PTPRD: variants seen among roughly 807,000 people sequenced by gnomAD.
The protein encoded by PTPRD is protein tyrosine phosphatase receptor type D.
In PTPRD, 34 loss-of-function variants were observed where a neutral mutation model predicts 214.5. That is an observed-to-expected ratio of 0.16 (90% CI 0.12 to 0.21). The LOEUF (loss-of-function observed/expected upper bound fraction) is 0.21. PTPRD is among the 10% of genes least tolerant of loss of function. The pLI is 1.00. For missense variants in PTPRD, 2,545 were observed against 2,398.7 expected, an observed-to-expected ratio of 1.06 and a Z score of -1.27; for synonymous variants, 1,128 against 845.7, an observed-to-expected ratio of 1.33 and a Z score of -5.79.
chr9:10,174,513 A>G (rs1298801648), intron 3 of PTPRD, among the ~76,000 whole-genome samples: 4 of 152,110 alleles, frequency 2.6e-5, no homozygotes, highest in Non-Finnish European at 4.4e-5. Context: ...AAATTTATAA[A>G]TCACCCAGCT....
At chr9:10,041,580 G>A (rs975807251) in intron 3 of PTPRD, among the ~76,000 whole-genome samples, 6 of 151,474 alleles carry the variant, frequency 4.0e-5, no homozygotes, top group African/African-American at 7.3e-5. Context: ...CAATTACCTT[G>A]TTATATTAGA....
At chr9:8,525,324 G>T (rs2139228663) in intron 17 of PTPRD, 1 of 472,892 alleles carries the variant, frequency 2.1e-6, no homozygotes, top group East Asian at 4.2e-5. Context: ...CTAATAAAAT[G>T]AAGATGGGTG....
chr9:10,202,671 G>GATATAAAAATTATATGGATATATATAT (rs1554843045), intron 3 of PTPRD, among the ~76,000 whole-genome samples: 2 of 113,128 alleles, frequency 1.8e-5, no homozygotes, highest in African/African-American at 3.6e-5. Flanking sequence ...AAATTATATG[G>GATATAAAAATTATATGGATATATATAT]ATATATATAT....
At chr9:9,685,074 A>T (rs1045671491) in intron 7 of PTPRD, among the ~76,000 whole-genome samples, 1 of 151,636 alleles carries the variant, frequency 6.6e-6, no homozygotes, top group South Asian at 2.1e-4. Context: ...TTACAGGTGA[A>T]TTTTTGAAGA....
rs113462806 is a variant in PTPRD, at chr9:9,367,903, C to T, written c.-203+29546G>A. 2.9e-3 allele frequency among the ~76,000 whole-genome samples: 439 copies of T among 151,714 alleles called. 5 individuals are homozygous for T. Among genetic ancestry groups the T allele is most frequent in the African/African-American group, 0.01 (418 of 41,430 alleles). ...GGTCTATTTTCTGTCTCTTCCAAAC[C>T]CTGTCATAAGGGAGAGCTACTAGCA... On this transcript the variant is annotated intron_variant, in intron 9 of 45. Coordinates refer to ENST00000381196, the MANE Select transcript of PTPRD (RefSeq NM_002839.4).
At chr9:8,474,659 A>AT (rs1443861850) in intron 30 of PTPRD, among the ~76,000 whole-genome samples, 6 of 152,024 alleles carry the variant, frequency 3.9e-5, no homozygotes, top group African/African-American at 1.4e-4. Context: ...CCACAGTAAC[A>AT]TTTTCACTTT....
chr9:9,205,388 G>A (rs988002932), intron 9 of PTPRD, among the ~76,000 whole-genome samples: 6 of 152,094 alleles, frequency 3.9e-5, no homozygotes, highest in Non-Finnish European at 7.4e-5. Flanking sequence ...TTGATGAGCA[G>A]GGAGCATGAT....
At chr9:8,421,950 C>T (rs1338526273) in intron 35 of PTPRD, among the ~76,000 whole-genome samples, 1 of 151,258 alleles carries the variant, frequency 6.6e-6, no homozygotes, top group Non-Finnish European at 1.5e-5. Context: ...TAGTTCGAGA[C>T]CAACCTGTGC....
intron 12 of PTPRD, among the ~76,000 whole-genome samples, chr9:8,652,140 G>C (rs186411378): frequency 2.2e-4 from 34 of 152,218 alleles, no homozygotes; most frequent in Admixed American, 2.0e-3. Flanking sequence ...AGAAAACAAA[G>C]GATTTTCCCA....
intron 5 of PTPRD, among the ~76,000 whole-genome samples, chr9:9,778,290 C>T (rs777458268): frequency 1.5e-4 from 23 of 152,182 alleles, no homozygotes; most frequent in Non-Finnish European, 2.5e-4. Flanking sequence ...AGGGATAACT[C>T]ACTCTCTCTG....
chr9:8,522,201 G>A (rs924371141), intron 19 of PTPRD, among the ~76,000 whole-genome samples: 1 of 152,192 alleles, frequency 6.6e-6, no homozygotes, highest in African/African-American at 2.4e-5. Context: ...TAGAGATACT[G>A]GATTGGGTCA....
At chr9:10,090,624 C>G (rs1172575587) in intron 3 of PTPRD, among the ~76,000 whole-genome samples, 1 of 110,662 alleles carries the variant, frequency 9.0e-6, no homozygotes, top group Non-Finnish European at 1.8e-5. Flanking sequence ...TTAAAGTATA[C>G]ATAAATAAAA....
At chr9:10,553,056 C>A (rs1238961086) in intron 2 of PTPRD, among the ~76,000 whole-genome samples, 1 of 152,116 alleles carries the variant, frequency 6.6e-6, no homozygotes, top group Non-Finnish European at 1.5e-5. Flanking sequence ...TCCAGTTGAC[C>A]ATTCCCTGAG....
chr9:8,660,093 G>C (rs562441335), intron 12 of PTPRD, among the ~76,000 whole-genome samples: 2 of 152,164 alleles, frequency 1.3e-5, no homozygotes, highest in Non-Finnish European at 1.5e-5. Flanking sequence ...TTGCAAATGT[G>C]TTTTTCAGAA....
At position 8,810,486 on chromosome 9, in the gene PTPRD, T is replaced by A. The variant is rs532436136; in HGVS notation, c.-103-76540A>T. 2.6e-5 allele frequency among the ~76,000 whole-genome samples: 4 copies of A among 152,280 alleles called. No homozygotes were observed. The South Asian group carries it at 8.3e-4, about 32-fold the overall frequency. ...GATTCAGACTGCATGGGCATTAGGA[T>A]GTCCTAAAAAGTTCAGATCACCTCA... On this transcript the variant is annotated intron_variant, in intron 11 of 45. Transcript: ENST00000381196.
chr9:9,161,319 G>T (rs566245398), intron 10 of PTPRD, among the ~76,000 whole-genome samples: 2 of 152,130 alleles, frequency 1.3e-5, no homozygotes, highest in African/African-American at 4.8e-5. Flanking sequence ...ATTATGATTT[G>T]TCAATTGAAA....
At chr9:9,934,046 A>G (rs1422804900) in intron 5 of PTPRD, among the ~76,000 whole-genome samples, 2 of 149,714 alleles carry the variant, frequency 1.3e-5, no homozygotes, top group Non-Finnish European at 2.9e-5. Context: ...CAAAGACACA[A>G]CATACCAGAA....
chr9:9,809,278 T>TC (rs1169592666), intron 5 of PTPRD, among the ~76,000 whole-genome samples: 3 of 150,384 alleles, frequency 2.0e-5, no homozygotes, highest in Admixed American at 2.0e-4. Flanking sequence ...TTTTTTTTTT[T>TC]TTTTTTTCAG....
intron 37 of PTPRD, among the ~76,000 whole-genome samples, chr9:8,382,236 C>T (rs532146393): frequency 6.6e-6 from 1 of 152,330 alleles, no homozygotes; most frequent in African/African-American, 2.4e-5. Context: ...ATCAGCCTTT[C>T]CAGACATTCT....
Sources: gnomAD v4.1 joint callset for allele counts (sites outside exome capture counted in the v4.1 genomes callset) on GRCh38, gnomAD v4.1.1 for gene constraint, MANE v1.5 for transcripts, NCBI Gene and HGNC (gene_info 2026-07-23, HGNC 2026-07-21) for gene names.